The following KLRG1 variants were observed in gnomAD, a reference collection of about 807,000 sequenced individuals.
KLRG1 encodes killer cell lectin like receptor G1, also known as killer cell lectin-like receptor subfamily G member 1.
KLRG1 carries 16 observed loss-of-function variants against 21.8 expected under a neutral mutation model. The ratio of observed to expected loss-of-function variants is 0.73; its 90% CI spans 0.50 to 1.11. KLRG1 has a LOEUF of 1.11. Among genes scored for constraint, KLRG1 ranks in the 50% most tolerant of loss-of-function variants. The pLI is 0.00. For missense variants in KLRG1, 173 were observed against 218.3 expected (o/e 0.79, Z 1.31); for synonymous variants, 69 against 75.9 (o/e 0.91, Z 0.47).
the KLRG1 span, among the ~76,000 whole-genome samples, chr12:9,193,235 A>G: frequency 3.9e-5 from 6 of 152,192 alleles, no homozygotes; most frequent in African/African-American, 1.4e-4. Context: ...TGAAACTTTA[A>G]GCCTTGCAGA....
chr12:9,068,109 T>A, the KLRG1 span: 1 of 1,508,252 alleles, frequency 6.6e-7, no homozygotes, highest in Non-Finnish European at 9.1e-7. Flanking sequence ...TACCCAGCGT[T>A]TTATGAAGGA....
chr12:9,124,632 C>A, the KLRG1 span, among the ~76,000 whole-genome samples: 1 of 152,216 alleles, frequency 6.6e-6, no homozygotes, highest in Non-Finnish European at 1.5e-5. Context: ...CAGGTCCAGG[C>A]ATCTCTGCAG....
the KLRG1 span, chr12:9,194,120 G>A: frequency 6.2e-7 from 1 of 1,613,962 alleles, no homozygotes; most frequent in African/African-American, 1.3e-5. Flanking sequence ...AGTATTGATT[G>A]AAAACTGTGC....
At chr12:9,157,894 C>T in the KLRG1 span, 1 of 1,446,548 alleles carries the variant, frequency 6.9e-7, no homozygotes, top group Non-Finnish European at 9.7e-7. Flanking sequence ...TTAGTATATT[C>T]TCTTCTGTTG....
At chr12:9,154,372 C>T in the KLRG1 span, among the ~76,000 whole-genome samples, 1 of 152,114 alleles carries the variant, frequency 6.6e-6, no homozygotes, top group African/African-American at 2.4e-5. Flanking sequence ...CATAGCGTGG[C>T]TTTAGAGGGT....
At chr12:9,071,646 A>C in the KLRG1 span, among the ~76,000 whole-genome samples, 1 of 152,066 alleles carries the variant, frequency 6.6e-6, no homozygotes, top group Non-Finnish European at 1.5e-5. Context: ...TTTTGTGTCC[A>C]TATGTTCTCA....
intron 3 of KLRG1, among the ~76,000 whole-genome samples, chr12:8,997,986 C>A (rs1172134634): frequency 6.6e-6 from 1 of 152,000 alleles, no homozygotes; most frequent in Non-Finnish European, 1.5e-5. Context: ...CACAGCAATT[C>A]TAAAAAGTAG....
intron 1 of KLRG1, among the ~76,000 whole-genome samples, chr12:8,984,235 C>A (rs1404683791): frequency 2.0e-5 from 3 of 152,062 alleles, no homozygotes; most frequent in Non-Finnish European, 2.9e-5. Flanking sequence ...TGGAGTCTCG[C>A]TCTGTCACCT....
intron 1 of KLRG1, among the ~76,000 whole-genome samples, chr12:8,971,734 G>T (rs1017864375): frequency 2.0e-5 from 3 of 151,982 alleles, no homozygotes; most frequent in Non-Finnish European, 1.5e-5. Flanking sequence ...CAAGTGATCC[G>T]CCTGCCTCGG....
At chr12:9,136,002 G>T in the KLRG1 span, among the ~76,000 whole-genome samples, 6 of 152,080 alleles carry the variant, frequency 3.9e-5, no homozygotes, top group African/African-American at 1.2e-4. Flanking sequence ...GGAGCTCAAC[G>T]TTTTAAACAT....
the KLRG1 span, among the ~76,000 whole-genome samples, chr12:9,146,698 T>A: frequency 3.3e-5 from 5 of 152,166 alleles, no homozygotes; most frequent in Non-Finnish European, 5.9e-5. Flanking sequence ...ATTCTAACAA[T>A]CCTTTCTCTT....
chr12:9,103,648 C>T, the KLRG1 span, among the ~76,000 whole-genome samples: 3 of 152,268 alleles, frequency 2.0e-5, no homozygotes, highest in East Asian at 3.9e-4. Flanking sequence ...ACCCCATGTA[C>T]GTGAATCATA....
intron 1 of KLRG1, among the ~76,000 whole-genome samples, chr12:8,950,714 C>T (rs375073926): frequency 6.6e-6 from 1 of 151,900 alleles, no homozygotes; most frequent in Non-Finnish European, 1.5e-5. Context: ...TAAAAGCTAA[C>T]GGATGCATAT....
At chr12:9,067,799 A>G in the KLRG1 span, 78 of 1,612,076 alleles carry the variant, frequency 4.8e-5, no homozygotes, top group East Asian at 1.2e-3. Flanking sequence ...GACTCCAGCA[A>G]AGCACTTTTC....
At chr12:8,980,476 G>A (rs565195968) in intron 1 of KLRG1, among the ~76,000 whole-genome samples, 34 of 152,238 alleles carry the variant, frequency 2.2e-4, no homozygotes, top group South Asian at 2.1e-3. Flanking sequence ...TTCCTTATAG[G>A]CTTGCAGTGG....
At chr12:9,068,272 G>A in the KLRG1 span, 2 of 1,580,210 alleles carry the variant, frequency 1.3e-6, no homozygotes, top group Admixed American at 1.7e-5. Flanking sequence ...TACATGAAGT[G>A]AGAAAGAAAG....
downstream of KLRG1, chr12:9,010,886 G>A (rs927141690): frequency 6.6e-6 from 1 of 152,198 alleles, no homozygotes. Context: ...CAAAGGCAAA[G>A]GGCCAGTTAA....
chr12:9,192,110 G>A, the KLRG1 span: 17 of 1,196,316 alleles, frequency 1.4e-5, no homozygotes, highest in East Asian at 2.4e-5. Flanking sequence ...TGATGGAAAC[G>A]ATTTCCCATT....
At chr12:9,039,428 A>G in the KLRG1 span, among the ~76,000 whole-genome samples, 1 of 152,198 alleles carries the variant, frequency 6.6e-6, no homozygotes, top group Non-Finnish European at 1.5e-5. Context: ...AAACGATCTT[A>G]TTTGTTCTTG....
Sources: allele counts gnomAD v4.1 joint callset (sites outside exome capture counted in the v4.1 genomes callset), GRCh38; gene constraint gnomAD v4.1.1; transcripts MANE v1.5; gene names NCBI Gene and HGNC (gene_info 2026-07-23, HGNC 2026-07-21).